UNC5C: variants seen among roughly 807,000 people sequenced by gnomAD.
UNC5C encodes the protein netrin receptor UNC5C.
Under a neutral mutation model 99.8 loss-of-function variants are expected in UNC5C, and 47 were observed. That is an observed-to-expected ratio of 0.47 (90% confidence interval 0.37 to 0.60). The LOEUF (loss-of-function observed/expected upper bound fraction) is 0.60. UNC5C is among the 20% of genes least tolerant of loss of function. The pLI, the probability that UNC5C is intolerant of heterozygous loss-of-function variation, is 0.00. For missense variants in UNC5C, 1,062 were observed against 1,165.9 expected, an observed-to-expected ratio of 0.91 and a Z score of 1.30; for synonymous variants, 487 against 452.2, an observed-to-expected ratio of 1.08 and a Z score of -0.98.
intron 2 of UNC5C, among the ~76,000 whole-genome samples, chr4:95,332,105 T>C (rs1560790136): frequency 6.6e-6 from 1 of 152,190 alleles, no homozygotes; most frequent in Non-Finnish European, 1.5e-5. Flanking sequence ...TCCATGCTCA[T>C]GGGTAGGAAG....
At chr4:95,521,552 A>C (rs543446479) in intron 1 of UNC5C, among the ~76,000 whole-genome samples, 2 of 152,068 alleles carry the variant, frequency 1.3e-5, no homozygotes, top group Non-Finnish European at 2.9e-5. Flanking sequence ...GATTCCCATC[A>C]TCAGGGGTCC....
chr4:95,175,022 T>G (rs541535941), intron 14 of UNC5C, among the ~76,000 whole-genome samples: 2,886 of 152,014 alleles, frequency 0.019, 92 homozygotes, highest in African/African-American at 0.066. Flanking sequence ...TTTTTTGATC[T>G]TTGTTGGTTT....
intron 5 of UNC5C, 123 bp from the exon 6 acceptor site, chr4:95,245,267 C>T: frequency 8.4e-7 from 1 of 1,191,552 alleles, no homozygotes; most frequent in Non-Finnish European, 1.1e-6. Flanking sequence ...TTATAAAAAT[C>T]CAAAATTTCA....
intron 10 of UNC5C, 30 bp from the exon 11 acceptor site, chr4:95,206,826 G>C: frequency 6.6e-7 from 1 of 1,514,634 alleles, no homozygotes; most frequent in Non-Finnish European, 8.8e-7. Flanking sequence ...TGGCTTCAGT[G>C]ACATTTCCAT....
At chr4:95,271,775 T>C (rs1740676081) in intron 4 of UNC5C, among the ~76,000 whole-genome samples, 1 of 152,212 alleles carries the variant, frequency 6.6e-6, no homozygotes, top group Non-Finnish European at 1.5e-5. Context: ...AATTCCTTAA[T>C]GTCTCCATTG....
intron 3 of UNC5C, among the ~76,000 whole-genome samples, chr4:95,291,428 G>A (rs1471067088): frequency 1.3e-5 from 2 of 152,148 alleles, no homozygotes; most frequent in Non-Finnish European, 2.9e-5. Context: ...TTTTCATACA[G>A]CATAAAACAT....
rs147833749 is a variant in UNC5C at position 95,308,187 on chromosome 4, C to T, written c.347-6438G>A. On this transcript the variant is annotated intron_variant, in intron 2 of 15. Transcript: ENST00000453304. ...ATTGTCTCTGCTTGCAGATGATGTG[C>T]TGTTACATTTGGAGAATCCTATAAA... Among the ~76,000 whole-genome samples, 1,023 of 152,164 alleles carry T rather than the reference C, an allele frequency of 6.7e-3. 5 individuals carry two copies. Among genetic ancestry groups the T allele is most frequent in the Non-Finnish European group, 0.011 (727 of 68,006 alleles).
intron 1 of UNC5C, among the ~76,000 whole-genome samples, chr4:95,404,374 G>A (rs1482391704): frequency 3.3e-5 from 5 of 151,962 alleles, no homozygotes; most frequent in Admixed American, 6.6e-5. Flanking sequence ...CCCAGGTATC[G>A]CTCTCCCTTT....
At chr4:95,338,854 A>G (rs1743447048) in intron 1 of UNC5C, among the ~76,000 whole-genome samples, 1 of 152,070 alleles carries the variant, frequency 6.6e-6, no homozygotes, top group African/African-American at 2.4e-5. Context: ...TACAAACAGG[A>G]CTGGCTACAA....
At chr4:95,328,425 A>G (rs368447809) in intron 2 of UNC5C, among the ~76,000 whole-genome samples, 222 of 124,946 alleles carry the variant, frequency 1.8e-3, no homozygotes, top group African/African-American at 5.8e-3. Flanking sequence ...ATAGTATTCC[A>G]TGGTGTATAT....
intron 1 of UNC5C, among the ~76,000 whole-genome samples, chr4:95,376,917 C>T (rs1171716622): frequency 6.6e-6 from 1 of 152,198 alleles, no homozygotes; most frequent in Non-Finnish European, 1.5e-5. Context: ...CCAGTGCTCC[C>T]TTTACAACAG....
At chr4:95,348,468 C>T (rs1258830577) in intron 1 of UNC5C, among the ~76,000 whole-genome samples, 1 of 151,510 alleles carries the variant, frequency 6.6e-6, no homozygotes. Flanking sequence ...CTCCCATGTT[C>T]ATTGTAGCAC....
intron 2 of UNC5C, among the ~76,000 whole-genome samples, chr4:95,317,093 G>A (rs1259530216): frequency 6.6e-6 from 1 of 152,096 alleles, no homozygotes; most frequent in Non-Finnish European, 1.5e-5. Context: ...CAGCAGTTGG[G>A]ACTTCACAAA....
chr4:95,257,128 C>A lies in UNC5C; in HGVS notation c.595-6461G>T, dbSNP rs540785222. On this transcript the variant is annotated intron_variant, in intron 4 of 15. Coordinates refer to ENST00000453304, the MANE Select transcript of UNC5C (RefSeq NM_003728.4). ...CAATCAAGTTGACACTCACTATCAA[C>A]CATCACACTATACCTCATCTCAAAC... 2.0e-5 allele frequency among the ~76,000 whole-genome samples: 3 copies of A among 152,272 alleles called. No individual in the cohort carries two copies. The South Asian group carries it at 6.2e-4, about 32-fold the overall frequency.
chr4:95,463,240 G>A (rs1747660741), intron 1 of UNC5C, among the ~76,000 whole-genome samples: 1 of 152,142 alleles, frequency 6.6e-6, no homozygotes, highest in Non-Finnish European at 1.5e-5. Context: ...TGGCTGCGGG[G>A]ACTGCAGAGC....
chr4:95,533,540 T>C (rs1722706576), intron 1 of UNC5C, among the ~76,000 whole-genome samples: 1 of 152,162 alleles, frequency 6.6e-6, no homozygotes, highest in Non-Finnish European at 1.5e-5. Flanking sequence ...TGAATATGTT[T>C]ACATTTTTTG....
chr4:95,336,206 T>C (rs534057371), intron 1 of UNC5C, among the ~76,000 whole-genome samples: 2 of 152,082 alleles, frequency 1.3e-5, no homozygotes, highest in African/African-American at 2.4e-5. Flanking sequence ...ATTTGCACAC[T>C]TTGAGATACA....
intron 1 of UNC5C, among the ~76,000 whole-genome samples, chr4:95,358,026 C>T (rs1319592801): frequency 1.3e-5 from 2 of 152,000 alleles, no homozygotes; most frequent in Non-Finnish European, 2.9e-5. Context: ...TATCATAAAC[C>T]AATTATGTGC....
intron 13 of UNC5C, 38 bp from the exon 14 acceptor site, chr4:95,183,099 T>C: frequency 6.4e-7 from 1 of 1,570,926 alleles, no homozygotes; most frequent in Non-Finnish European, 8.7e-7. Context: ...ATTGAAGGAC[T>C]AATACCAAAA....
Sources: gnomAD v4.1 joint callset for allele counts (sites outside exome capture counted in the v4.1 genomes callset) on GRCh38, gnomAD v4.1.1 for gene constraint, MANE v1.5 for transcripts, NCBI Gene and HGNC (gene_info 2026-07-23, HGNC 2026-07-21) for gene names.